The following CSMD1 variants were observed in gnomAD, a reference collection of about 807,000 sequenced individuals.
CSMD1 encodes CUB and Sushi multiple domains 1.
Under a neutral mutation model 417.5 loss-of-function variants are expected in CSMD1, and 213 were observed. The ratio of observed to expected loss-of-function variants is 0.51; its 90% CI spans 0.46 to 0.57. CSMD1 has a LOEUF of 0.57. Ranked by LOEUF, CSMD1 falls within the 20% of genes least tolerant of loss-of-function variation. The pLI, the probability that CSMD1 is intolerant of heterozygous loss-of-function variation, is 0.00. For missense variants in CSMD1, 6,923 were observed against 4,529.7 expected, an observed-to-expected ratio of 1.53 and a Z score of -15.17; for synonymous variants, 2,862 against 1,736.8, an observed-to-expected ratio of 1.65 and a Z score of -16.11.
chr8:4,926,672 C>G (rs56820044), intron 1 of CSMD1, among the ~76,000 whole-genome samples: 1,968 of 152,186 alleles, frequency 0.013, 33 homozygotes, highest in African/African-American at 0.043. Flanking sequence ...CAGTATTCTT[C>G]TGGGCTTTTC....
chr8:4,373,404 G>T (rs779988962), intron 3 of CSMD1, among the ~76,000 whole-genome samples: 2 of 152,178 alleles, frequency 1.3e-5, no homozygotes, highest in African/African-American at 2.4e-5. Flanking sequence ...AATATAAAAT[G>T]TTAACAACAG....
intron 2 of CSMD1, among the ~76,000 whole-genome samples, chr8:4,623,704 T>C (rs189021662): frequency 5.4e-4 from 82 of 152,282 alleles, no homozygotes; most frequent in African/African-American, 1.9e-3. Context: ...ATCATTATTC[T>C]GAGTGAAAGA....
At chr8:4,867,421 C>A (rs1389212691) in intron 1 of CSMD1, among the ~76,000 whole-genome samples, 1 of 152,050 alleles carries the variant, frequency 6.6e-6, no homozygotes, top group Non-Finnish European at 1.5e-5. Flanking sequence ...CTTAAATACA[C>A]CCCTGTAAAT....
intron 3 of CSMD1, among the ~76,000 whole-genome samples, chr8:4,150,716 G>C (rs767796490): frequency 6.6e-6 from 1 of 152,140 alleles, no homozygotes; most frequent in African/African-American, 2.4e-5. Flanking sequence ...GTGGAAAGCA[G>C]ATTCAGAATG....
chr8:3,712,422 C>G (rs369517383), intron 6 of CSMD1, among the ~76,000 whole-genome samples: 2,049 of 123,626 alleles, frequency 0.017, 24 homozygotes, highest in Non-Finnish European at 0.022. Flanking sequence ...GACAGACAGA[C>G]AGACAGACAG....
At position 4,012,362 on chromosome 8, in the gene CSMD1, T is replaced by C. The variant is rs112594809; in HGVS notation, c.611-14252A>G. On this transcript the variant is annotated intron_variant, in intron 4 of 69. Coordinates refer to ENST00000635120, the MANE Select transcript of CSMD1 (RefSeq NM_033225.6). ...TCTCTTCACCTCTTCTCTTCCTAAA[T>C]ACATTCATTCATTGCCTTGTTGATC... Among the ~76,000 whole-genome samples the C allele has an allele frequency of 3.4e-3, 516 of 152,314 alleles. 3 individuals carry two copies. Among genetic ancestry groups the C allele is most frequent in the African/African-American group, 0.011 (471 of 41,558 alleles).
At chr8:3,894,768 T>G (rs1417864712) in intron 5 of CSMD1, among the ~76,000 whole-genome samples, 3 of 152,210 alleles carry the variant, frequency 2.0e-5, no homozygotes, top group Non-Finnish European at 2.9e-5. Context: ...CTTCCACATG[T>G]CAATTAGAAG....
Position 3,562,417 on chromosome 8 carries a change from A to ACACGTGCACAT in CSMD1, c.1344+12527_1344+12528insATGTGCACGTG, listed in dbSNP as rs1554470709. On this transcript the variant is annotated intron_variant, in intron 10 of 69. Transcript: ENST00000635120. ...ACACATGCATACACACACATGCACA[A>ACACGTGCACAT]ACACACATGCACACACACGTGCACA... 3.8e-4 allele frequency among the ~76,000 whole-genome samples: 55 copies of ACACGTGCACAT among 145,442 alleles called. No homozygotes were observed. The East Asian group carries it at 9.1e-3, about 24-fold the overall frequency.
chr8:4,137,064 C>T (rs542042008), intron 3 of CSMD1, among the ~76,000 whole-genome samples: 1 of 152,246 alleles, frequency 6.6e-6, no homozygotes, highest in African/African-American at 2.4e-5. Context: ...GCTCTAACTT[C>T]CTTTGCTACT....
intron 3 of CSMD1, among the ~76,000 whole-genome samples, chr8:4,256,634 A>C (rs1224282997): frequency 6.6e-6 from 1 of 152,154 alleles, no homozygotes; most frequent in Non-Finnish European, 1.5e-5. Context: ...AGACCCATGA[A>C]AGGGGGCGCC....
At chr8:4,666,305 G>A (rs1477572554) in intron 1 of CSMD1, among the ~76,000 whole-genome samples, 3 of 152,156 alleles carry the variant, frequency 2.0e-5, no homozygotes, top group Admixed American at 2.0e-4. Flanking sequence ...GATGATTTTG[G>A]AATAGCCAGA....
At chr8:4,873,890 C>T (rs1229521031) in intron 1 of CSMD1, among the ~76,000 whole-genome samples, 1 of 151,526 alleles carries the variant, frequency 6.6e-6, no homozygotes, top group South Asian at 2.1e-4. Context: ...GGCTTTTAGA[C>T]AAGGCAATTA....
chr8:3,391,333 T>C (rs1585095058), intron 17 of CSMD1, among the ~76,000 whole-genome samples: 1 of 152,218 alleles, frequency 6.6e-6, no homozygotes, highest in Non-Finnish European at 1.5e-5. Context: ...ATTAACAAGA[T>C]ACTTTTGACA....
intron 2 of CSMD1, among the ~76,000 whole-genome samples, chr8:4,572,856 T>G (rs916506624): frequency 5.9e-5 from 9 of 152,214 alleles, no homozygotes; most frequent in African/African-American, 2.2e-4. Context: ...CATGCTTTAT[T>G]TCATTAAGTT....
chr8:4,386,564 C>T (rs192013749), intron 3 of CSMD1, among the ~76,000 whole-genome samples: 13 of 152,302 alleles, frequency 8.5e-5, no homozygotes, highest in Admixed American at 8.5e-4. Context: ...ATAAGTAAGA[C>T]CTATAAGAGA....
chr8:3,994,252 T>C (rs1815025472), intron 5 of CSMD1, among the ~76,000 whole-genome samples: 1 of 151,984 alleles, frequency 6.6e-6, no homozygotes, highest in Admixed American at 6.6e-5. Context: ...GTTTCTTTTG[T>C]TATATAAGTT....
chr8:3,262,184 AATATATATATATATATATATATATAT>A (rs201972449), intron 26 of CSMD1, among the ~76,000 whole-genome samples: 6,152 of 63,180 alleles, frequency 0.097, 302 homozygotes, highest in Middle Eastern at 0.19. Context: ...TGCTCATATG[AATATATATATATATATATATATATAT>A]ATATATATAT....
In CSMD1 at chr8:4,219,976, G is replaced by C. The variant is rs555560679; in HGVS notation, c.416-187877C>G. On this transcript the variant is annotated intron_variant, in intron 3 of 69. Transcript: ENST00000635120. The stretch of plus-strand genomic sequence containing the variant: ...TTTAATGCTTTTTTTTTGAAATGGA[G>C]TCTCACTCTGTCACCCAGGCTGGAG... Among the ~76,000 whole-genome samples the C allele has an allele frequency of 8.5e-5, 13 of 152,142 alleles. No individual in the cohort carries two copies. In the East Asian group the frequency reaches 2.3e-3, roughly 27 times the overall value.
chr8:4,076,575 A>G lies in CSMD1; in HGVS notation c.416-44476T>C, dbSNP rs1024644282. Among the ~76,000 whole-genome samples, 8 of 152,222 alleles carry G rather than the reference A, an allele frequency of 5.3e-5. No individual in the cohort carries two copies. In the East Asian group the frequency reaches 5.8e-4, roughly 11 times the overall value. On this transcript the variant is annotated intron_variant, in intron 3 of 69. Transcript: ENST00000635120. The stretch of plus-strand genomic sequence containing the variant: ...AATAGCTAAAAGAAAATGAAATAAT[A>G]TATTAAGGATTCATGTCCTAAACTT...
Sources: gnomAD v4.1 joint callset for allele counts (sites outside exome capture counted in the v4.1 genomes callset) on GRCh38, gnomAD v4.1.1 for gene constraint, MANE v1.5 for transcripts, NCBI Gene and HGNC (gene_info 2026-07-23, HGNC 2026-07-21) for gene names.